The following ACTR3B variants were observed in gnomAD, a reference collection of about 807,000 sequenced individuals.
The protein encoded by ACTR3B is actin related protein 3B.
ACTR3B carries 8 observed loss-of-function variants against 59.0 expected under a neutral mutation model. The ratio of observed to expected loss-of-function variants is 0.14; its 90% CI spans 0.08 to 0.24. The LOEUF is 0.24. Ranked by LOEUF, ACTR3B falls within the 10% of genes least tolerant of loss-of-function variation. The pLI is 1.00. For missense variants in ACTR3B, 245 were observed against 552.3 expected, an observed-to-expected ratio of 0.44 and a Z score of 5.58; for synonymous variants, 148 against 197.9, an observed-to-expected ratio of 0.75 and a Z score of 2.12.
intron 9 of ACTR3B, among the ~76,000 whole-genome samples, chr7:152,827,041 G>A (rs1796630212): frequency 6.6e-6 from 1 of 150,478 alleles, no homozygotes; most frequent in Admixed American, 6.6e-5. Context: ...GAGTGCAGTG[G>A]CGTGATCACA....
chr7:152,767,093 GT>G (rs59830659), intron 1 of ACTR3B, among the ~76,000 whole-genome samples: 48,636 of 141,492 alleles, frequency 0.34, 8,892 homozygotes, highest in East Asian at 0.71. Context: ...CAGCTGGTAG[GT>G]TTTTTTTTTT....
In ACTR3B at chr7:152,814,753, C is replaced by A. The variant is rs886187357; in HGVS notation, c.432+108C>A. On this transcript the variant is annotated intron_variant, in intron 5 of 11. Transcript: ENST00000256001. ...TGGAAGACTGCGCTGTGTGCCCTTC[C>A]TTTTTCCACTCCCTCCCCCGTCCCC... is the stretch of plus-strand genomic sequence containing the variant. 6 of 840,750 alleles carry A rather than the reference C, an allele frequency of 7.1e-6. No homozygotes were observed. The African/African-American group carries it at 1.0e-4, about 15-fold the overall frequency. 52.1% of individuals were successfully genotyped at this position (840,750 alleles called of 1,614,324 possible). A position where few individuals can be genotyped will look rare whatever the true frequency, so the allele number is the denominator to read the frequency against.
chr7:152,848,831 AC>A (rs1284902302), intron 9 of ACTR3B, among the ~76,000 whole-genome samples: 5 of 151,848 alleles, frequency 3.3e-5, no homozygotes, highest in Admixed American at 2.6e-4. Context: ...TCCAGCTGCC[AC>A]CCCCCCGTAG....
chr7:152,771,905 A>G (rs954055748), intron 1 of ACTR3B, among the ~76,000 whole-genome samples: 1 of 152,076 alleles, frequency 6.6e-6, no homozygotes, highest in Non-Finnish European at 1.5e-5. Flanking sequence ...ATCTCTACTA[A>G]AAATACAAAA....
At chr7:152,834,355 T>C (rs1310896956) in intron 9 of ACTR3B, among the ~76,000 whole-genome samples, 5 of 152,196 alleles carry the variant, frequency 3.3e-5, no homozygotes, top group African/African-American at 7.2e-5. Flanking sequence ...GGTTTCGCCA[T>C]GTTGGCCAGG....
intron 1 of ACTR3B, among the ~76,000 whole-genome samples, chr7:152,772,062 T>C (rs1388060859): frequency 2.0e-5 from 3 of 151,966 alleles, no homozygotes; most frequent in African/African-American, 7.3e-5. Context: ...TGAAACTCCA[T>C]CTCAAAAACA....
At chr7:152,847,847 A>AC (rs1798477173) in intron 9 of ACTR3B, among the ~76,000 whole-genome samples, 1 of 152,172 alleles carries the variant, frequency 6.6e-6, no homozygotes, top group South Asian at 2.1e-4. Flanking sequence ...TCTTCTTTAG[A>AC]CCCTCACTAG....
At chr7:152,832,672 T>A (rs1461518106) in intron 9 of ACTR3B, among the ~76,000 whole-genome samples, 1 of 152,194 alleles carries the variant, frequency 6.6e-6, no homozygotes, top group African/African-American at 2.4e-5. Context: ...ACTATCTCTA[T>A]CTCTACATTA....
At chr7:152,845,786 C>G (rs1354256274) in intron 9 of ACTR3B, among the ~76,000 whole-genome samples, 1 of 152,216 alleles carries the variant, frequency 6.6e-6, no homozygotes, top group African/African-American at 2.4e-5. Flanking sequence ...CCCTGCCTGC[C>G]TTAGCCCCCG....
intron 1 of ACTR3B, among the ~76,000 whole-genome samples, chr7:152,769,552 C>G (rs1425166754): frequency 1.3e-5 from 2 of 152,018 alleles, no homozygotes; most frequent in Non-Finnish European, 2.9e-5. Context: ...TGTTGGATGA[C>G]TTAAGCTCAT....
intron 9 of ACTR3B, among the ~76,000 whole-genome samples, chr7:152,826,053 A>T (rs1467472372): frequency 6.6e-6 from 1 of 152,136 alleles, no homozygotes; most frequent in Non-Finnish European, 1.5e-5. Context: ...GCTCAGTGGC[A>T]TGACTCACTC....
At chr7:152,816,676 C>T (rs558569128) in intron 6 of ACTR3B, 88 bp downstream of exon 6, 7 of 980,500 alleles carry the variant, frequency 7.1e-6, no homozygotes, top group Middle Eastern at 5.1e-4. Context: ...AAAACCTCTT[C>T]TGTAATGGAA....
chr7:152,828,728 G>A (rs1170005487), intron 9 of ACTR3B, among the ~76,000 whole-genome samples: 1 of 152,100 alleles, frequency 6.6e-6, no homozygotes, highest in Non-Finnish European at 1.5e-5. Context: ...CACTCTTGCC[G>A]GGTAAGACGC....
chr7:152,765,642 T>C (rs2098107394), intron 1 of ACTR3B, among the ~76,000 whole-genome samples: 1 of 152,012 alleles, frequency 6.6e-6, no homozygotes, highest in Non-Finnish European at 1.5e-5. Flanking sequence ...AATAATCAGC[T>C]ATCATGGTCC....
intron 9 of ACTR3B, among the ~76,000 whole-genome samples, chr7:152,830,758 T>C (rs4726214): frequency 0.81 from 122,501 of 151,894 alleles, 49,742 homozygotes; most frequent in African/African-American, 0.89. Context: ...GCTCTGTTGC[T>C]CAGGCTGGTC....
At chr7:152,811,731 C>T (rs1795252462) in intron 4 of ACTR3B, 1 of 151,876 alleles carries the variant, frequency 6.6e-6, no homozygotes, top group African/African-American at 2.4e-5. Flanking sequence ...AATCAGTGAC[C>T]AGGTTGGTAT....
chr7:152,780,872 A>G (rs2966514), intron 1 of ACTR3B, among the ~76,000 whole-genome samples: 9 of 138,012 alleles, frequency 6.5e-5, no homozygotes, highest in Non-Finnish European at 9.1e-5. Flanking sequence ...TCGAGACAGG[A>G]TCTCGCTCTG....
At chr7:152,797,949 A>G (rs1042098489) in intron 2 of ACTR3B, among the ~76,000 whole-genome samples, 2 of 152,152 alleles carry the variant, frequency 1.3e-5, no homozygotes, top group Non-Finnish European at 2.9e-5. Flanking sequence ...ATGGACACGT[A>G]GGTTGATTCC....
chr7:152,832,430 G>A (rs1028133180), intron 9 of ACTR3B, among the ~76,000 whole-genome samples: 1 of 152,196 alleles, frequency 6.6e-6, no homozygotes, highest in Non-Finnish European at 1.5e-5. Context: ...AGGACAAGAC[G>A]GCCTTAGCCT....
Sources: gnomAD v4.1 joint callset for allele counts (sites outside exome capture counted in the v4.1 genomes callset) on GRCh38, gnomAD v4.1.1 for gene constraint, MANE v1.5 for transcripts, NCBI Gene and HGNC (gene_info 2026-07-23, HGNC 2026-07-21) for gene names.